The following SLMAP variants were observed in gnomAD, a reference collection of about 807,000 sequenced individuals.
SLMAP encodes sarcolemmal membrane-associated protein.
A neutral mutation model predicts 128.8 loss-of-function variants in SLMAP; 44 were observed. The ratio of observed to expected loss-of-function variants is 0.34; its 90% CI spans 0.27 to 0.44. SLMAP has a LOEUF of 0.44. Among genes scored for constraint, SLMAP ranks in the 20% least tolerant of loss-of-function variants. The probability of loss-of-function intolerance (pLI) is 1.00; values close to 1 mark genes in which losing one functional copy is unlikely to be tolerated. For synonymous variants in SLMAP, 327 were observed against 348.8 expected, an observed-to-expected ratio of 0.94 and a Z score of 0.70; for missense variants, 787 against 985.3, an observed-to-expected ratio of 0.80 and a Z score of 2.69.
chr3:57,919,504 G>T (rs546585485), intron 22 of SLMAP, among the ~76,000 whole-genome samples: 1 of 151,976 alleles, frequency 6.6e-6, no homozygotes, highest in South Asian at 2.1e-4. Flanking sequence ...TGTAATTTAA[G>T]AATTTATAGG....
intron 2 of SLMAP, among the ~76,000 whole-genome samples, chr3:57,797,018 A>G (rs1355930881): frequency 6.7e-6 from 1 of 148,568 alleles, no homozygotes; most frequent in Non-Finnish European, 1.5e-5. Context: ...CGTCTCTATA[A>G]TTTTTTTTTT....
intron 21 of SLMAP, 44 bp downstream of exon 21, chr3:57,913,319 A>T (rs562648408): frequency 1.2e-6 from 1 of 826,030 alleles, no homozygotes; most frequent in Non-Finnish European, 1.9e-6. Context: ...ATATTTCTTT[A>T]TCTTAAATTT....
intron 2 of SLMAP, among the ~76,000 whole-genome samples, chr3:57,765,682 G>A (rs1559905480): frequency 6.6e-6 from 1 of 152,054 alleles, no homozygotes. Context: ...TAAGTTTTTT[G>A]TTGACAGAAG....
At position 57,909,017 on chromosome 3, in the gene SLMAP, C is replaced by T. The variant is rs1006957276; in HGVS notation, c.1625-59C>T. The T allele has an allele frequency of 2.9e-5, 36 of 1,220,948 alleles. No homozygotes were observed. In the African/African-American group the frequency reaches 4.3e-4, roughly 14 times the overall value. 75.6% of individuals were successfully genotyped at this position (1,220,948 alleles called of 1,614,324 possible). Reference sequence around the variant, plus strand: ...TTAAAAGAAATTTTCAGCTGCTCAACTCTGAGTACTTTCATTAATTCACAA... The same window carrying T: ...TTAAAAGAAATTTTCAGCTGCTCAATTCTGAGTACTTTCATTAATTCACAA... On this transcript the variant is annotated intron_variant, in intron 18 of 24. Coordinates refer to ENST00000671191, the MANE Select transcript of SLMAP (RefSeq NM_001377540.1).
intron 2 of SLMAP, among the ~76,000 whole-genome samples, chr3:57,788,302 A>G (rs1456908567): frequency 6.6e-6 from 1 of 152,216 alleles, no homozygotes; most frequent in Non-Finnish European, 1.5e-5. Context: ...ATTTTAAGTA[A>G]TAGAATCACA....
intron 2 of SLMAP, among the ~76,000 whole-genome samples, chr3:57,798,087 C>T (rs1385336081): frequency 2.0e-5 from 3 of 152,106 alleles, no homozygotes; most frequent in South Asian, 2.1e-4. Context: ...GCATGGCACA[C>T]GGTAAAGACT....
Position 57,929,952 on chromosome 3 carries a change from T to C in SLMAP, c.*2663T>C, listed in dbSNP as rs941434582. ...AAAAATATTGCAAATATTAAAGTTT[T>C]AGGTAAGCCTAAACTTTAATCTACT... On this transcript the variant is annotated 3_prime_UTR_variant, in exon 25 of 25. Coordinates refer to ENST00000671191, the MANE Select transcript of SLMAP (RefSeq NM_001377540.1). Among the ~76,000 whole-genome samples the C allele has an allele frequency of 6.6e-6, 1 of 152,266 alleles. No individual in the cohort carries two copies. The highest frequency in any genetic ancestry group is 1.9e-4 in the East Asian group (1 of 5,206).
chr3:57,799,780 C>T (rs1560029847), intron 2 of SLMAP, among the ~76,000 whole-genome samples: 1 of 152,030 alleles, frequency 6.6e-6, no homozygotes, highest in Non-Finnish European at 1.5e-5. Flanking sequence ...TATTTTATGC[C>T]ATAGTACAAA....
rs887036939 is a variant in SLMAP, at chr3:57,860,667, T to C, written c.688-32T>C. The C allele has an allele frequency of 2.8e-6, 4 of 1,451,290 alleles. No individual in the cohort carries two copies. In the South Asian group the frequency reaches 4.0e-5, roughly 15 times the overall value. 89.9% of individuals were successfully genotyped at this position (1,451,290 alleles called of 1,614,324 possible). On this transcript the variant is annotated intron_variant, in intron 8 of 24. Coordinates refer to ENST00000671191, the MANE Select transcript of SLMAP (RefSeq NM_001377540.1). ...ACAATAAATGCTTTTAAAAAATAAC[T>C]TGTCTATAATTATAAATATCTTTTA... is the stretch of plus-strand genomic sequence containing the variant.
At chr3:57,891,173 T>A (rs1273834334) in intron 15 of SLMAP, 1 of 151,894 alleles carries the variant, frequency 6.6e-6, no homozygotes, top group Non-Finnish European at 1.5e-5. Context: ...GATTAGTTGG[T>A]TGAATAGCCA....
intron 5 of SLMAP, among the ~76,000 whole-genome samples, chr3:57,848,613 CTTCTTT>C (rs2094381642): frequency 3.4e-5 from 5 of 148,926 alleles, no homozygotes; most frequent in Admixed American, 1.3e-4. Flanking sequence ...TCCTCCCCCT[CTTCTTT>C]TTCTTCTTCT....
chr3:57,835,113 C>A (rs977497624), intron 3 of SLMAP, among the ~76,000 whole-genome samples: 5 of 106,094 alleles, frequency 4.7e-5, no homozygotes, highest in Admixed American at 3.9e-4. Flanking sequence ...CAGAGCCAGA[C>A]CCTGTCTCAA....
chr3:57,893,235 C>A (rs754349100), intron 15 of SLMAP, among the ~76,000 whole-genome samples: 11 of 151,956 alleles, frequency 7.2e-5, no homozygotes, highest in Non-Finnish European at 1.3e-4. Context: ...GACATTCCAG[C>A]CTGGGCAACA....
chr3:57,896,088 C>T (rs967878041), intron 15 of SLMAP, among the ~76,000 whole-genome samples: 4 of 151,064 alleles, frequency 2.6e-5, no homozygotes, highest in Non-Finnish European at 4.4e-5. Context: ...TATTTGAGTA[C>T]AAATCTTACT....
rs111535540 is a variant in SLMAP, at chr3:57,890,927, A to T, written c.1360+827A>T. ...TTGACTTTTTTAACCATGTAAGAGG[A>T]TGGTGTTATTTCAAATATCTCGTGG... is the stretch of plus-strand genomic sequence containing the variant. On this transcript the variant is annotated intron_variant, in intron 15 of 24. Coordinates refer to ENST00000671191, the MANE Select transcript of SLMAP (RefSeq NM_001377540.1). The T allele has an allele frequency of 3.2e-3, 490 of 152,314 alleles. 3 individuals carry two copies. The highest frequency in any genetic ancestry group is 0.011 in the African/African-American group (468 of 41,564). The allele number at this position is 152,314 out of a possible 1,614,324, so 9.4% of individuals were successfully genotyped here.
At chr3:57,893,451 A>G (rs1036328613) in intron 15 of SLMAP, among the ~76,000 whole-genome samples, 5 of 151,964 alleles carry the variant, frequency 3.3e-5, no homozygotes, top group Admixed American at 2.0e-4. Context: ...AAAAGAAAAA[A>G]AAAAAAACAG....
chr3:57,804,971 CA>C (rs1394819005), intron 2 of SLMAP, among the ~76,000 whole-genome samples: 1 of 152,100 alleles, frequency 6.6e-6, no homozygotes, highest in African/African-American at 2.4e-5. Flanking sequence ...AAAGTTAATA[CA>C]ACAGAATTAG....
At chr3:57,853,348 A>T (rs1462468218) in intron 6 of SLMAP, among the ~76,000 whole-genome samples, 1 of 152,190 alleles carries the variant, frequency 6.6e-6, no homozygotes, top group African/African-American at 2.4e-5. Flanking sequence ...AGTAGACAAA[A>T]TTTTCCGTAG....
At chr3:57,823,300 A>G (rs1189645990) in intron 2 of SLMAP, among the ~76,000 whole-genome samples, 2 of 151,992 alleles carry the variant, frequency 1.3e-5, no homozygotes, top group African/African-American at 2.4e-5. Flanking sequence ...TACATGTGCC[A>G]TGTTGGTGTG....
Sources: allele counts gnomAD v4.1 joint callset (sites outside exome capture counted in the v4.1 genomes callset), GRCh38; gene constraint gnomAD v4.1.1; transcripts MANE v1.5; gene names NCBI Gene and HGNC (gene_info 2026-07-23, HGNC 2026-07-21).